CYP3A7: variants seen among roughly 807,000 people sequenced by gnomAD.
CYP3A7 encodes the protein cytochrome P450 family 3 subfamily A member 7, also known as cytochrome P450 3A7.
CYP3A7 carries 45 observed loss-of-function variants against 55.2 expected under a neutral mutation model. The observed-to-expected ratio is 0.82, with a 90% CI of 0.64 to 1.05. The LOEUF is 1.05. Among genes scored for constraint, CYP3A7 ranks in the 50% least tolerant of loss-of-function variants. CYP3A7 has a pLI of 0.00. For synonymous variants in CYP3A7, 180 were observed against 207.4 expected, an observed-to-expected ratio of 0.87 and a Z score of 1.13; for missense variants, 548 against 605.3, an observed-to-expected ratio of 0.91 and a Z score of 0.99.
intron 6 of CYP3A7, 55 bp from the exon 7 acceptor site, chr7:99,715,961 T>G: frequency 6.2e-7 from 1 of 1,611,944 alleles, no homozygotes; most frequent in Non-Finnish European, 8.5e-7. Flanking sequence ...CCATCCTTCC[T>G]CTATGCGTGC....
chr7:99,712,188 G>A (rs1242299287), intron 9 of CYP3A7, among the ~76,000 whole-genome samples: 1 of 152,110 alleles, frequency 6.6e-6, no homozygotes, highest in African/African-American at 2.4e-5. Flanking sequence ...TAAATATAGT[G>A]CCTGTTCCAA....
chr7:99,708,820 T>C (rs1331124222), intron 11 of CYP3A7, among the ~76,000 whole-genome samples: 1 of 152,206 alleles, frequency 6.6e-6, no homozygotes, highest in Non-Finnish European at 1.5e-5. Flanking sequence ...AGGACCTTCA[T>C]CTTAAGTTGC....
rs1187815305 is a variant in CYP3A7 at position 99,731,000 on chromosome 7, GGAACTA to G, written c.165+53_165+58del. 217 of 1,595,960 alleles carry G rather than the reference GGAACTA, an allele frequency of 1.4e-4. 2 individuals are homozygous for G. The highest frequency in any genetic ancestry group is 1.6e-4 in the Non-Finnish European group (188 of 1,165,316). On this transcript the variant is annotated intron_variant, in intron 2 of 12. Coordinates refer to ENST00000336374, the MANE Select transcript of CYP3A7 (RefSeq NM_000765.5). ...CTTGAGGAGAAGCATTTTTACTGAT[GGAACTA>G]AGTTGCTCTTTGCAATCATAAGAAG...
chr7:99,720,496 C>G, intron 3 of CYP3A7, 84 bp from the exon 4 acceptor site: 2 of 1,441,400 alleles, frequency 1.4e-6, no homozygotes, highest in Non-Finnish European at 1.9e-6. Context: ...GACTTTGATC[C>G]GGACATTACA....
intron 2 of CYP3A7, among the ~76,000 whole-genome samples, chr7:99,723,817 C>T (rs550307576): frequency 2.6e-5 from 4 of 152,294 alleles, no homozygotes; most frequent in Non-Finnish European, 4.4e-5. Context: ...CTGGTAGAGA[C>T]GGAGGAGATA....
Position 99,705,310 on chromosome 7 carries a change from T to C in CYP3A7, c.*190A>G, listed in dbSNP as rs1238787811. ...AGCACTGATTTGGTCATCTCCTCTATATTACCAAGTATAACACTCTATACA... is the reference window on the plus strand; with the variant it reads ...AGCACTGATTTGGTCATCTCCTCTACATTACCAAGTATAACACTCTATACA... On this transcript the variant is annotated 3_prime_UTR_variant, in exon 13 of 13. Coordinates refer to ENST00000336374, the MANE Select transcript of CYP3A7 (RefSeq NM_000765.5). 2 of 626,686 alleles carry C rather than the reference T, an allele frequency of 3.2e-6. No individual in the cohort carries two copies. Among genetic ancestry groups the C allele is most frequent in the Non-Finnish European group, 5.3e-6 (2 of 377,788 alleles). 38.8% of individuals were successfully genotyped at this position (626,686 alleles called of 1,614,324 possible).
intron 2 of CYP3A7, among the ~76,000 whole-genome samples, chr7:99,728,972 G>A (rs1814521318): frequency 6.6e-6 from 1 of 152,252 alleles, no homozygotes; most frequent in African/African-American, 2.4e-5. Flanking sequence ...TGCTGAAAAA[G>A]GAGTACTCTA....
intron 3 of CYP3A7, 57 bp from the exon 4 acceptor site, chr7:99,720,469 C>T: frequency 6.3e-7 from 1 of 1,599,518 alleles, no homozygotes. Context: ...ACAGCTGGAG[C>T]CAAACCCAGG....
At chr7:99,716,056 C>G (rs1214091321) in intron 6 of CYP3A7, 150 bp from the exon 7 acceptor site, 13 of 1,498,396 alleles carry the variant, frequency 8.7e-6, no homozygotes, top group African/African-American at 1.4e-5. Context: ...CCATCACACT[C>G]CCTCAGAAGG....
intron 12 of CYP3A7, among the ~76,000 whole-genome samples, chr7:99,706,816 A>G (rs530399933): frequency 4.6e-5 from 7 of 152,346 alleles, no homozygotes; most frequent in Non-Finnish European, 8.8e-5. Context: ...CACTCCTTAA[A>G]CATTTACCAA....
chr7:99,713,445 C>A (rs747455500), intron 9 of CYP3A7, 24 bp downstream of exon 9: 2 of 1,613,184 alleles, frequency 1.2e-6, no homozygotes, highest in Admixed American at 3.3e-5. Context: ...CCACCAGTAG[C>A]CCTCAGAAGC....
intron 11 of CYP3A7, 87 bp downstream of exon 11, chr7:99,708,948 G>T: frequency 7.0e-7 from 1 of 1,432,826 alleles, no homozygotes; most frequent in Non-Finnish European, 9.8e-7. Flanking sequence ...GCAAACGATT[G>T]TACAAGCCCA....
chr7:99,714,544 C>A lies in CYP3A7; in HGVS notation c.798+11G>T, dbSNP rs1441863610. On this transcript the variant is annotated intron_variant, in intron 8 of 12. Transcript: ENST00000336374. ...ACTAAACATCCTCCTATAACTACCA[C>A]CACGTTTTACCTTTTGTGTCTCTTT... 52 of 1,612,168 alleles carry A rather than the reference C, an allele frequency of 3.2e-5. No individual in the cohort carries two copies. Among genetic ancestry groups the A allele is most frequent in the Non-Finnish European group, 4.1e-5 (48 of 1,179,292 alleles).
intron 3 of CYP3A7, among the ~76,000 whole-genome samples, chr7:99,721,637 G>A (rs1276086113): frequency 2.0e-5 from 3 of 152,180 alleles, no homozygotes; most frequent in East Asian, 1.9e-4. Context: ...AGTTTAGACC[G>A]AAGACCTCAA....
chr7:99,725,782 G>A (rs531458629), intron 2 of CYP3A7, among the ~76,000 whole-genome samples: 1 of 152,284 alleles, frequency 6.6e-6, no homozygotes, highest in Non-Finnish European at 1.5e-5. Flanking sequence ...GGAGAATCAC[G>A]GATGCCAAAC....
intron 11 of CYP3A7, among the ~76,000 whole-genome samples, chr7:99,708,437 C>T (rs1813603115): frequency 6.6e-6 from 1 of 151,928 alleles, no homozygotes; most frequent in African/African-American, 2.4e-5. Context: ...TTCTAATTCT[C>T]CTCCTTCTCC....
chr7:99,729,365 G>T (rs568273706), intron 2 of CYP3A7, among the ~76,000 whole-genome samples: 5 of 152,138 alleles, frequency 3.3e-5, no homozygotes, highest in African/African-American at 1.2e-4. Context: ...TCTTTAAGGT[G>T]TCCACATGGC....
chr7:99,716,104 TG>T (rs1174222439), intron 6 of CYP3A7, among the ~76,000 whole-genome samples, 198 bp from the exon 7 acceptor site: 1 of 152,148 alleles, frequency 6.6e-6, no homozygotes, highest in Non-Finnish European at 1.5e-5. Flanking sequence ...GGCTCTCCGC[TG>T]GGGGTGATGG....
Position 99,717,534 on chromosome 7 carries a change from G to A in CYP3A7, c.424C>T (p.Leu142Phe). Residue 142 changes from leucine to phenylalanine, a missense_variant, in exon 5 of 13, where the codon CTC (leucine) becomes TTC (phenylalanine). Coordinates refer to ENST00000336374, the MANE Select transcript of CYP3A7 (RefSeq NM_000765.5). ...LLSPTFTSGK[L>F]KEMVPIIAQY... ...CCAAGTTATTTTCATACCTCCTTGAGTTTTCCGCTGGTGAATGTTGGAGAC... is the reference window on the plus strand; with the variant it reads ...CCAAGTTATTTTCATACCTCCTTGAATTTTCCGCTGGTGAATGTTGGAGAC... 1.2e-6 allele frequency: 2 copies of A among 1,613,644 alleles called. No homozygotes were observed. The highest frequency in any genetic ancestry group is 8.5e-7 in the Non-Finnish European group (1 of 1,179,770).
Sources: gnomAD v4.1 joint callset for allele counts (sites outside exome capture counted in the v4.1 genomes callset) on GRCh38, gnomAD v4.1.1 for gene constraint, MANE v1.5 for transcripts, NCBI Gene and HGNC (gene_info 2026-07-23, HGNC 2026-07-21) for gene names.